The following ZNF362 variants were observed in gnomAD, a reference collection of about 807,000 sequenced individuals.
ZNF362 encodes zinc finger protein 362, also known as rotund homolog.
A neutral mutation model predicts 42.9 loss-of-function variants in ZNF362; 11 were observed. The ratio of observed to expected loss-of-function variants is 0.26; its 90% confidence interval spans 0.16 to 0.42. The LOEUF (loss-of-function observed/expected upper bound fraction) is 0.42, where lower values mean the gene tolerates loss of function less well. Among genes scored for constraint, ZNF362 ranks in the 20% least tolerant of loss-of-function variants. The pLI, the probability that ZNF362 is intolerant of heterozygous loss-of-function variation, is 1.00. For missense variants in ZNF362, 362 were observed against 576.2 expected (o/e 0.63, Z 3.81); for synonymous variants, 255 against 257.3 (o/e 0.99, Z 0.09).
At chr1:33,161,754 A>G in the ZNF362 span, among the ~76,000 whole-genome samples, 2 of 151,820 alleles carry the variant, frequency 1.3e-5, no homozygotes, top group African/African-American at 4.8e-5. This position sits in a 1 kb window ranked among gnomAD's most constrained non-coding sequence, Gnocchi z 4.3. Flanking sequence ...AGGCGCCCAG[A>G]CTCCGCAGCT....
At chr1:33,275,346 C>G (rs1217990250) in intron 2 of ZNF362, 2 of 985,520 alleles carry the variant, frequency 2.0e-6, no homozygotes, top group Non-Finnish European at 2.4e-6. Context: ...GGCCACCAGA[C>G]AGTTTGTCAC....
the ZNF362 span, among the ~76,000 whole-genome samples, chr1:33,220,455 G>T: frequency 2.0e-5 from 3 of 152,056 alleles, no homozygotes; most frequent in African/African-American, 7.2e-5. Context: ...CTTGTCCTAG[G>T]CCACACTGAG....
chr1:33,198,792 G>A, the ZNF362 span, among the ~76,000 whole-genome samples: 1 of 152,090 alleles, frequency 6.6e-6, no homozygotes, highest in Non-Finnish European at 1.5e-5. Context: ...TGTTCAAAAA[G>A]CCAGAAGAAA....
At chr1:33,297,511 C>CCCTTTT (rs1491222633) in intron 8 of ZNF362, among the ~76,000 whole-genome samples, 1 of 78,908 alleles carries the variant, frequency 1.3e-5, no homozygotes, top group African/African-American at 6.6e-5. Flanking sequence ...TACATGATTC[C>CCCTTTT]TCTTTTTTTT....
At chr1:33,130,504 A>G in the ZNF362 span, among the ~76,000 whole-genome samples, 1 of 152,278 alleles carries the variant, frequency 6.6e-6, no homozygotes, top group East Asian at 1.9e-4. Flanking sequence ...ATCAACGGCT[A>G]GCAAGGACTT....
At chr1:33,199,215 C>T in the ZNF362 span, among the ~76,000 whole-genome samples, 1 of 152,022 alleles carries the variant, frequency 6.6e-6, no homozygotes, top group African/African-American at 2.4e-5. Context: ...AAAAAATACA[C>T]CAAGGCACAT....
At chr1:33,275,281 G>A (rs1050133948) in intron 2 of ZNF362, 5 of 985,410 alleles carry the variant, frequency 5.1e-6, no homozygotes, top group Non-Finnish European at 6.0e-6. Flanking sequence ...ATACTGCCCT[G>A]GTTGAAAAGG....
chr1:33,193,022 TAC>T, the ZNF362 span, among the ~76,000 whole-genome samples: 34 of 139,248 alleles, frequency 2.4e-4, 1 homozygote, highest in East Asian at 1.5e-3. Flanking sequence ...TATATATATA[TAC>T]GCATATATAT....
the ZNF362 span, chr1:33,159,676 G>C: frequency 3.1e-6 from 5 of 1,600,492 alleles, no homozygotes; most frequent in East Asian, 2.2e-5. This position sits in a 1 kb window ranked among gnomAD's most constrained non-coding sequence, Gnocchi z 4.2. Flanking sequence ...GGCCCCGGCG[G>C]GTGGCACTTA....
the ZNF362 span, chr1:33,165,089 G>C: frequency 1.8e-5 from 3 of 167,380 alleles, no homozygotes; most frequent in East Asian, 5.1e-4. This position sits in a 1 kb window ranked among gnomAD's most constrained non-coding sequence, Gnocchi z 4.0. Flanking sequence ...ACAACACCAG[G>C]GTTGGGCGGT....
At chr1:33,145,597 C>T in the ZNF362 span, 4 of 201,352 alleles carry the variant, frequency 2.0e-5, no homozygotes, top group Non-Finnish European at 3.1e-5. Flanking sequence ...TTAGCTCTTC[C>T]GGCTACTTTG....
chr1:33,265,164 G>A (rs1344201248), intron 1 of ZNF362, among the ~76,000 whole-genome samples: 1 of 151,716 alleles, frequency 6.6e-6, no homozygotes, highest in East Asian at 2.0e-4. Flanking sequence ...GTAGGGAGGG[G>A]GATGTGCTCC....
chr1:33,201,456 T>C, the ZNF362 span, among the ~76,000 whole-genome samples: 1 of 152,004 alleles, frequency 6.6e-6, no homozygotes, highest in Non-Finnish European at 1.5e-5. Flanking sequence ...CTGACAACAA[T>C]GAAATAAAAT....
chr1:33,277,541 G>A (rs373307690), intron 4 of ZNF362, among the ~76,000 whole-genome samples: 5 of 152,214 alleles, frequency 3.3e-5, no homozygotes, highest in African/African-American at 1.2e-4. Flanking sequence ...ACCGAGTCTG[G>A]CTGCTAGGTG....
At chr1:33,295,126 C>A (rs746064586) in intron 7 of ZNF362, 21 bp from the exon 8 acceptor site, 1 of 1,613,380 alleles carries the variant, frequency 6.2e-7, no homozygotes, top group South Asian at 1.1e-5. Context: ...CCTCTCCTGA[C>A]CCCCTGCTGT....
At chr1:33,230,422 C>T in the ZNF362 span, among the ~76,000 whole-genome samples, 9 of 152,206 alleles carry the variant, frequency 5.9e-5, no homozygotes, top group African/African-American at 1.9e-4. Flanking sequence ...AGGCTACAGT[C>T]GTTTTACCAA....
chr1:33,151,463 G>A, the ZNF362 span, among the ~76,000 whole-genome samples: 1 of 152,066 alleles, frequency 6.6e-6, no homozygotes, highest in Non-Finnish European at 1.5e-5. Flanking sequence ...CTCCCTCCCC[G>A]AGGCTAGGGC....
the ZNF362 span, among the ~76,000 whole-genome samples, chr1:33,209,237 T>C: frequency 5.7e-3 from 862 of 152,348 alleles, 4 homozygotes; most frequent in Non-Finnish European, 7.2e-3. Flanking sequence ...GATTTGTGTA[T>C]GTTGAACCAG....
chr1:33,129,535 G>T, the ZNF362 span, among the ~76,000 whole-genome samples: 1 of 152,070 alleles, frequency 6.6e-6, no homozygotes, highest in South Asian at 2.1e-4. This position sits in a 1 kb window ranked among gnomAD's most constrained non-coding sequence, Gnocchi z 4.1. Context: ...ATATGTTTAC[G>T]CATTGTGCAT....
Sources: allele counts gnomAD v4.1 joint callset (sites outside exome capture counted in the v4.1 genomes callset), GRCh38; gene constraint gnomAD v4.1.1; non-coding constraint Gnocchi (gnomAD v3.1); transcripts MANE v1.5; gene names NCBI Gene and HGNC (gene_info 2026-07-23, HGNC 2026-07-21).